Variants in PCDHGA6 observed in about 807,000 individuals in gnomAD.
PCDHGA6 encodes protocadherin gamma-A6.
A neutral mutation model predicts 60.6 loss-of-function variants in PCDHGA6; 41 were observed. The ratio of observed to expected loss-of-function variants is 0.68; its 90% CI spans 0.53 to 0.88. The LOEUF (loss-of-function observed/expected upper bound fraction) is 0.88, where lower values mean the gene tolerates loss of function less well. Among genes scored for constraint, PCDHGA6 ranks in the 40% least tolerant of loss-of-function variants. The probability of loss-of-function intolerance (pLI) is 0.00; values close to 1 mark genes in which losing one functional copy is unlikely to be tolerated. For synonymous variants in PCDHGA6, 594 were observed against 524.4 expected, an observed-to-expected ratio of 1.13 and a Z score of -1.81; for missense variants, 1,312 against 1,203.0, an observed-to-expected ratio of 1.09 and a Z score of -1.34.
Position 141,491,445 on chromosome 5 carries a change from C to G in PCDHGA6, c.2425-3362C>G. ...GAGGGCAGTGCTGCAGGCGCCAGGACTCACCCTCCCCGGACTTCTATAAGC... is the reference window on the plus strand; with the variant it reads ...GAGGGCAGTGCTGCAGGCGCCAGGAGTCACCCTCCCCGGACTTCTATAAGC... On this transcript the variant is annotated intron_variant, in intron 1 of 3. Coordinates refer to ENST00000517434, the MANE Select transcript of PCDHGA6 (RefSeq NM_018919.3). This position sits in a 1 kb window ranked among gnomAD's most constrained non-coding sequence, Gnocchi z 6.9. 6.2e-7 allele frequency: 1 copy of G among 1,614,112 alleles called. No individual in the cohort carries two copies. Among genetic ancestry groups the G allele is most frequent in the Non-Finnish European group, 8.5e-7 (1 of 1,180,032 alleles).
chr5:141,487,421 C>G lies in PCDHGA6; in HGVS notation c.2425-7386C>G. On this transcript the variant is annotated intron_variant, in intron 1 of 3. Transcript: ENST00000517434. This position sits in a 1 kb window ranked among gnomAD's most constrained non-coding sequence, Gnocchi z 5.0. ...GGGGCTTCCCCCTTCCAATGGGATC[C>G]TCCGAATCCAGCTAGGGTCAGATGA... 1 of 1,614,144 alleles carries G rather than the reference C, an allele frequency of 6.2e-7. No individual in the cohort carries two copies. The highest frequency in any genetic ancestry group is 8.5e-7 in the Non-Finnish European group (1 of 1,180,022).
In PCDHGA6 at chr5:141,491,759, G is replaced by A; in HGVS notation, c.2425-3048G>A. On this transcript the variant is annotated intron_variant, in intron 1 of 3. Coordinates refer to ENST00000517434, the MANE Select transcript of PCDHGA6 (RefSeq NM_018919.3). The surrounding 1 kb of genome is among the most constrained non-coding windows in gnomAD (Gnocchi z 6.9). ...GGGGGCGGCACTGGAGAAGCCGCCC[G>A]TCCTCATAAGGGATTGAACTTGCAT... 2 of 1,575,392 alleles carry A rather than the reference G, an allele frequency of 1.3e-6. No homozygotes were observed. The highest frequency in any genetic ancestry group is 1.9e-5 in the Admixed American group (1 of 52,640).
chr5:141,477,162 C>A lies in PCDHGA6; in HGVS notation c.2425-17645C>A, dbSNP rs147392557. ...GAGGTTGTGGATGTGAATGACAACG[C>A]CCCGGAGATCACAGTCACCTCCGTG... On this transcript the variant is annotated intron_variant, in intron 1 of 3. Transcript: ENST00000517434. This position sits in a 1 kb window ranked among gnomAD's most constrained non-coding sequence, Gnocchi z 4.9. 3.5e-5 allele frequency: 57 copies of A among 1,614,162 alleles called. No homozygotes were observed. The Middle Eastern group carries it at 9.9e-4, about 28-fold the overall frequency.
intron 1 of PCDHGA6, chr5:141,427,726 T>C: frequency 8.7e-7 from 1 of 1,155,152 alleles, no homozygotes; most frequent in Non-Finnish European, 1.3e-6. Context: ...GACCTAGGGC[T>C]GAATGGCCAA....
At chr5:141,399,854 G>A (rs747617678) in intron 1 of PCDHGA6, 6 of 1,612,786 alleles carry the variant, frequency 3.7e-6, no homozygotes, top group Non-Finnish European at 5.1e-6. Context: ...ATGGTGCCGC[G>A]CGCTGCAGAG....
In PCDHGA6 at chr5:141,430,862, G is replaced by A. The variant is rs1365140768; in HGVS notation, c.2424+54355G>A. ...CGGATGCACCCAGATACGCTATTCA[G>A]TTCCGGAAGAGCTGGAGAAAGGCTC... is the stretch of plus-strand genomic sequence containing the variant. On this transcript the variant is annotated intron_variant, in intron 1 of 3. Transcript: ENST00000517434. 3 of 1,594,672 alleles carry A rather than the reference G, an allele frequency of 1.9e-6. No individual in the cohort carries two copies. The African/African-American group carries it at 4.0e-5, about 21-fold the overall frequency.
intron 1 of PCDHGA6, among the ~76,000 whole-genome samples, chr5:141,472,980 C>CAAAAAAAAAAAAAAAA (rs60579131): frequency 2.8e-4 from 24 of 86,024 alleles, no homozygotes; most frequent in East Asian, 1.2e-3. Context: ...GAGTGAAACT[C>CAAAAAAAAAAAAAAAA]AAAAAAAAAA....
At chr5:141,415,696 G>C (rs867312295) in intron 1 of PCDHGA6, 12 of 1,397,434 alleles carry the variant, frequency 8.6e-6, no homozygotes, top group Non-Finnish European at 1.1e-5. Flanking sequence ...GGTGGAAAGT[G>C]TAAATGCTAA....
At chr5:141,466,022 T>C (rs1053231186) in intron 1 of PCDHGA6, among the ~76,000 whole-genome samples, 4 of 151,628 alleles carry the variant, frequency 2.6e-5, no homozygotes, top group African/African-American at 9.7e-5. Flanking sequence ...CTCGGGAGGG[T>C]GAGGCAGGAG....
rs151239937 is a variant in PCDHGA6, at chr5:141,485,980, G to A, written c.2425-8827G>A. 1.9e-6 allele frequency: 3 copies of A among 1,614,020 alleles called. No homozygotes were observed. The highest frequency in any genetic ancestry group is 2.5e-6 in the Non-Finnish European group (3 of 1,180,004). Reference sequence around the variant, plus strand: ...TCATCCAGCTCAATGCCTCAGACCCGGACCTGGGTCCCAGTGGTAACGTCA... The same window carrying A: ...TCATCCAGCTCAATGCCTCAGACCCAGACCTGGGTCCCAGTGGTAACGTCA... On this transcript the variant is annotated intron_variant, in intron 1 of 3. Coordinates refer to ENST00000517434, the MANE Select transcript of PCDHGA6 (RefSeq NM_018919.3). The surrounding 1 kb of genome is among the most constrained non-coding windows in gnomAD (Gnocchi z 5.7).
chr5:141,478,163 C>G (rs779617960), intron 1 of PCDHGA6: 22 of 1,614,028 alleles, frequency 1.4e-5, no homozygotes, highest in Non-Finnish European at 1.9e-5. Context: ...TGGCTCTGCC[C>G]CCCGGGAGCA....
At chr5:141,398,644 T>C (rs772408476) in intron 1 of PCDHGA6, 7 of 1,613,908 alleles carry the variant, frequency 4.3e-6, no homozygotes, top group Non-Finnish European at 5.9e-6. Context: ...GTATAAACTC[T>C]CTCTTAACCC....
At chr5:141,452,909 TAC>T (rs1370071626) in intron 1 of PCDHGA6, among the ~76,000 whole-genome samples, 2 of 152,232 alleles carry the variant, frequency 1.3e-5, no homozygotes, top group African/African-American at 4.8e-5. Context: ...GTTGGCATTA[TAC>T]AGTAAGAAAG....
intron 1 of PCDHGA6, among the ~76,000 whole-genome samples, chr5:141,492,206 G>T (rs1180294159): frequency 6.6e-6 from 1 of 152,204 alleles, no homozygotes; most frequent in African/African-American, 2.4e-5. Context: ...TTAGGTGTGC[G>T]CGCGGGGCTC....
intron 1 of PCDHGA6, 108 bp from the exon 2 acceptor site, chr5:141,494,699 T>G: frequency 6.3e-7 from 1 of 1,592,240 alleles, no homozygotes; most frequent in East Asian, 2.3e-5. Context: ...GTCCGTTTTC[T>G]TCTCTGTGCC....
intron 1 of PCDHGA6, chr5:141,418,991 G>A (rs1335937354): frequency 6.2e-7 from 1 of 1,613,836 alleles, no homozygotes. Context: ...AGACTCAGGG[G>A]AAAATGGGGA....
rs771804151 is a variant in PCDHGA6, at chr5:141,486,704, A to G, written c.2425-8103A>G. On this transcript the variant is annotated intron_variant, in intron 1 of 3. Coordinates refer to ENST00000517434, the MANE Select transcript of PCDHGA6 (RefSeq NM_018919.3). The surrounding 1 kb of genome is among the most constrained non-coding windows in gnomAD (Gnocchi z 5.0). ...ATCAGCTTCCTCTTTCATCTCTCTG[A>G]ACCCCCAGACAGGAGCTGTTCATGC... 2.2e-5 allele frequency: 35 copies of G among 1,614,016 alleles called. No homozygotes were observed. Among genetic ancestry groups the G allele is most frequent in the Non-Finnish European group, 2.7e-5 (32 of 1,180,032 alleles).
chr5:141,428,050 T>C (rs1222417053), intron 1 of PCDHGA6: 1 of 1,608,844 alleles, frequency 6.2e-7, no homozygotes, highest in Non-Finnish European at 8.5e-7. Flanking sequence ...GTGACCAAGG[T>C]GGTGGCGGTG....
At chr5:141,415,015 A>C (rs2095814085) in intron 1 of PCDHGA6, 1 of 1,613,598 alleles carries the variant, frequency 6.2e-7, no homozygotes, top group East Asian at 2.2e-5. Flanking sequence ...CCGTCTGCTC[A>C]AGGCCAGCGA....
Sources: gnomAD v4.1 joint callset for allele counts (sites outside exome capture counted in the v4.1 genomes callset) on GRCh38, gnomAD v4.1.1 for gene constraint, Gnocchi (gnomAD v3.1) non-coding constraint, MANE v1.5 for transcripts, NCBI Gene and HGNC (gene_info 2026-07-23, HGNC 2026-07-21) for gene names.